The following PTPRN2 variants were observed in gnomAD, a reference collection of about 807,000 sequenced individuals.
PTPRN2 encodes protein tyrosine phosphatase receptor type N2, also known as receptor-type tyrosine-protein phosphatase N2.
A neutral mutation model predicts 118.8 loss-of-function variants in PTPRN2; 74 were observed. The ratio of observed to expected loss-of-function variants is 0.62; its 90% confidence interval spans 0.52 to 0.76. The LOEUF is 0.76. Ranked by LOEUF, PTPRN2 falls within the 30% of genes least tolerant of loss-of-function variation. PTPRN2 has a pLI of 0.00. For missense variants in PTPRN2, 1,481 were observed against 1,394.4 expected (o/e 1.06, Z -0.99); for synonymous variants, 641 against 608.0 (o/e 1.05, Z -0.80).
Position 158,574,658 on chromosome 7 carries a change from A to C in PTPRN2, c.112+12900T>G, listed in dbSNP as rs773877993. On this transcript the variant is annotated intron_variant, in intron 1 of 22. Transcript: ENST00000389418. The surrounding 1 kb of genome is among the most constrained non-coding windows in gnomAD (Gnocchi z 4.6). ...TGGCAGTTACTCTAGCCAGAACTGGAAGGTGGCATGGAAGGGGCCAATACT... is the reference window on the plus strand; with the variant it reads ...TGGCAGTTACTCTAGCCAGAACTGGCAGGTGGCATGGAAGGGGCCAATACT... Among the ~76,000 whole-genome samples, 2 of 152,196 alleles carry C rather than the reference A, an allele frequency of 1.3e-5. No individual in the cohort carries two copies. The highest frequency in any genetic ancestry group is 2.9e-5 in the Non-Finnish European group (2 of 68,016).
rs114807942 is a variant in PTPRN2 at position 157,550,501 on chromosome 7, C to T, written c.2903-1482G>A. Among the ~76,000 whole-genome samples the T allele has an allele frequency of 7.4e-3, 1,130 of 152,316 alleles. 14 individuals are homozygous for T. Among genetic ancestry groups the T allele is most frequent in the African/African-American group, 0.024 (1,014 of 41,570 alleles). Reference sequence around the variant, plus strand: ...CAGCGGCTCCACCAGGGAGGCCGGGCGCGAGATGACCACCCCACCTGCCCT... The same window carrying T: ...CAGCGGCTCCACCAGGGAGGCCGGGTGCGAGATGACCACCCCACCTGCCCT... On this transcript the variant is annotated intron_variant, in intron 21 of 22. Coordinates refer to ENST00000389418, the MANE Select transcript of PTPRN2 (RefSeq NM_002847.5). This position sits in a 1 kb window ranked among gnomAD's most constrained non-coding sequence, Gnocchi z 5.2.
intron 3 of PTPRN2, among the ~76,000 whole-genome samples, chr7:158,210,390 C>A (rs1314204255): frequency 6.6e-6 from 1 of 151,884 alleles, no homozygotes; most frequent in African/African-American, 2.4e-5. Context: ...CCGCCTCGGC[C>A]TCCCAAAGTG....
chr7:157,725,312 TG>T (rs1799489664), intron 12 of PTPRN2, among the ~76,000 whole-genome samples: 1 of 77,514 alleles, frequency 1.3e-5, no homozygotes, highest in Non-Finnish European at 2.2e-5. Flanking sequence ...CAGAGGAGTG[TG>T]GCCAGACCCT....
At chr7:158,283,886 G>A (rs931408714) in intron 3 of PTPRN2, among the ~76,000 whole-genome samples, 12 of 152,048 alleles carry the variant, frequency 7.9e-5, no homozygotes, top group African/African-American at 2.2e-4. Context: ...GTTCAGAATC[G>A]CCACCTCACA....
chr7:157,699,460 GT>G (rs1797962912), intron 12 of PTPRN2, among the ~76,000 whole-genome samples: 1 of 152,136 alleles, frequency 6.6e-6, no homozygotes, highest in Non-Finnish European at 1.5e-5. Context: ...CTGAGACGGA[GT>G]CTTGCTCTGT....
chr7:157,656,966 T>C (rs1226003380), intron 13 of PTPRN2, among the ~76,000 whole-genome samples: 21 of 69,676 alleles, frequency 3.0e-4, no homozygotes, highest in Middle Eastern at 0.013. Flanking sequence ...TACACACACA[T>C]ACACCACACA....
intron 12 of PTPRN2, among the ~76,000 whole-genome samples, chr7:157,878,981 A>G (rs1168252719): frequency 7.7e-6 from 1 of 130,604 alleles, no homozygotes; most frequent in Non-Finnish European, 1.6e-5. Context: ...ACGCTTACTC[A>G]CTGAGGAGCT....
chr7:157,928,121 G>A (rs553786502), intron 11 of PTPRN2, among the ~76,000 whole-genome samples: 5 of 152,268 alleles, frequency 3.3e-5, no homozygotes, highest in South Asian at 4.2e-4. Context: ...GAATTCACAC[G>A]TTTAACTCTC....
rs933250880 is a variant in PTPRN2 at position 158,257,648 on chromosome 7, C to T, written c.278-52375G>A. 3.3e-5 allele frequency among the ~76,000 whole-genome samples: 5 copies of T among 152,248 alleles called. No individual in the cohort carries two copies. In the East Asian group the frequency reaches 9.6e-4, roughly 29 times the overall value. ...CCCCAGGCTTCAAGCCCACTTCGCT[C>T]AGCCTGGGTCTCACCCACTGTACAA... On this transcript the variant is annotated intron_variant, in intron 3 of 22. Coordinates refer to ENST00000389418, the MANE Select transcript of PTPRN2 (RefSeq NM_002847.5).
intron 11 of PTPRN2, among the ~76,000 whole-genome samples, chr7:157,993,621 C>T (rs547245384): frequency 5.3e-5 from 8 of 152,270 alleles, no homozygotes; most frequent in Non-Finnish European, 7.4e-5. Context: ...TGTCCTGTCC[C>T]TGAGTCCCCG....
intron 11 of PTPRN2, among the ~76,000 whole-genome samples, chr7:158,020,787 G>A (rs530906571): frequency 6.6e-6 from 1 of 152,320 alleles, no homozygotes; most frequent in African/African-American, 2.4e-5. Context: ...GAGTGCACAG[G>A]AGTTGTGTTT....
chr7:157,664,262 C>G (rs990084640), intron 13 of PTPRN2, among the ~76,000 whole-genome samples: 3 of 152,260 alleles, frequency 2.0e-5, no homozygotes, highest in Admixed American at 6.5e-5. Flanking sequence ...ACACATACTT[C>G]TTTAAAACCT....
intron 6 of PTPRN2, among the ~76,000 whole-genome samples, chr7:158,163,105 G>A (rs2150575999): frequency 6.6e-6 from 1 of 152,348 alleles, no homozygotes; most frequent in South Asian, 2.1e-4. Flanking sequence ...TCCCAGGGCA[G>A]AGCAGGGGGC....
rs757950532 is a variant in PTPRN2, at chr7:158,226,673, C to CT, written c.278-21401dup. Reference sequence around the variant, plus strand: ...TATGAGGAACGAAGACAGCGCTTCCCTTTTTTTTTTTTTTTTTTCCGGTGG... The same window carrying CT: ...TATGAGGAACGAAGACAGCGCTTCCCTTTTTTTTTTTTTTTTTTTCCGGTGG... On this transcript the variant is annotated intron_variant, in intron 3 of 22. Coordinates refer to ENST00000389418, the MANE Select transcript of PTPRN2 (RefSeq NM_002847.5). 3.2e-3 allele frequency among the ~76,000 whole-genome samples: 341 copies of CT among 106,366 alleles called. 1 individual carries two copies. In the East Asian group the frequency reaches 0.04, roughly 13 times the overall value. The allele number at this position is 106,366 out of a possible 152,430, so 69.8% of individuals were successfully genotyped here.
chr7:158,559,990 T>C (rs765666567), intron 1 of PTPRN2, among the ~76,000 whole-genome samples: 1 of 152,264 alleles, frequency 6.6e-6, no homozygotes, highest in Non-Finnish European at 1.5e-5. Context: ...ACTGAAACTC[T>C]GTCCCGATTA....
intron 4 of PTPRN2, among the ~76,000 whole-genome samples, chr7:158,202,887 C>T (rs1249875352): frequency 1.3e-5 from 2 of 151,990 alleles, no homozygotes; most frequent in African/African-American, 2.4e-5. Context: ...CAGAAAAATA[C>T]AAAAAGTCCT....
intron 2 of PTPRN2, among the ~76,000 whole-genome samples, chr7:158,359,432 C>G (rs1808661652): frequency 1.3e-5 from 2 of 152,166 alleles, no homozygotes; most frequent in Admixed American, 1.3e-4. Flanking sequence ...GCCACCCAGG[C>G]ACTCCGCTCG....
intron 2 of PTPRN2, 75 bp downstream of exon 2, chr7:158,489,660 C>T (rs1487784908): frequency 8.3e-6 from 12 of 1,453,930 alleles, no homozygotes; most frequent in Non-Finnish European, 1.1e-5. Context: ...CGGCGGGGCT[C>T]ACCAGGCTGG....
At chr7:158,552,428 A>G (rs1826722253) in intron 1 of PTPRN2, among the ~76,000 whole-genome samples, 1 of 152,232 alleles carries the variant, frequency 6.6e-6, no homozygotes, top group African/African-American at 2.4e-5. Flanking sequence ...GTTTTTTAAA[A>G]AATAATTTTT....
Sources: gnomAD v4.1 joint callset for allele counts (sites outside exome capture counted in the v4.1 genomes callset) on GRCh38, gnomAD v4.1.1 for gene constraint, Gnocchi (gnomAD v3.1) non-coding constraint, MANE v1.5 for transcripts, NCBI Gene and HGNC (gene_info 2026-07-23, HGNC 2026-07-21) for gene names.